Variants in PALLD observed in about 807,000 individuals in gnomAD.
PALLD encodes the protein palladin.
Under a neutral mutation model 123.5 loss-of-function variants are expected in PALLD, and 61 were observed. The ratio of observed to expected loss-of-function variants is 0.49; its 90% CI spans 0.40 to 0.61. The LOEUF (loss-of-function observed/expected upper bound fraction) is 0.61, where lower values mean the gene tolerates loss of function less well. Among genes scored for constraint, PALLD ranks in the 20% least tolerant of loss-of-function variants. The pLI is 0.00. For missense variants in PALLD, 1,273 were observed against 1,377.0 expected (o/e 0.92, Z 1.20); for synonymous variants, 465 against 496.4 (o/e 0.94, Z 0.84).
chr4:168,907,439 C>T (rs543544104), intron 15 of PALLD, among the ~76,000 whole-genome samples: 1 of 152,254 alleles, frequency 6.6e-6, no homozygotes, highest in South Asian at 2.1e-4. Context: ...TTATCACCTC[C>T]ATGGGAAAGG....
At chr4:168,595,334 C>T (rs1002404508) in intron 2 of PALLD, among the ~76,000 whole-genome samples, 20 of 152,234 alleles carry the variant, frequency 1.3e-4, no homozygotes, top group African/African-American at 4.8e-4. Flanking sequence ...AGACACTTTT[C>T]CAAAGCACAG....
chr4:168,786,595 A>G (rs1736794280), intron 10 of PALLD, among the ~76,000 whole-genome samples: 1 of 152,242 alleles, frequency 6.6e-6, no homozygotes, highest in South Asian at 2.1e-4. Context: ...GTTTGAGTGC[A>G]GGAGGTCGAG....
chr4:168,645,983 C>T (rs531672035), intron 2 of PALLD, among the ~76,000 whole-genome samples: 9 of 152,218 alleles, frequency 5.9e-5, no homozygotes, highest in East Asian at 3.9e-4. Flanking sequence ...TATTAAAAAC[C>T]GGGAGACGAC....
chr4:168,598,502 G>A, intron 2 of PALLD: 1 of 495,116 alleles, frequency 2.0e-6, no homozygotes, highest in Non-Finnish European at 4.0e-6. Flanking sequence ...AGAGAGAGGA[G>A]CAGAGAGAGG....
At chr4:168,518,475 C>T (rs1763215836) in intron 2 of PALLD, among the ~76,000 whole-genome samples, 1 of 152,132 alleles carries the variant, frequency 6.6e-6, no homozygotes, top group Admixed American at 6.5e-5. Flanking sequence ...CTGATTTCAC[C>T]TCTTGCCACT....
intron 10 of PALLD, among the ~76,000 whole-genome samples, chr4:168,761,450 C>A (rs1445981043): frequency 6.6e-6 from 1 of 151,844 alleles, no homozygotes; most frequent in African/African-American, 2.4e-5. Flanking sequence ...TGTAAGGTAG[C>A]TAGAAAGTGG....
intron 14 of PALLD, among the ~76,000 whole-genome samples, chr4:168,902,488 T>C (rs1756734131): frequency 6.6e-6 from 1 of 152,014 alleles, no homozygotes; most frequent in Admixed American, 6.6e-5. Flanking sequence ...AAAATAATAA[T>C]GAACTTAGCC....
chr4:168,731,534 G>C (rs1351880360), intron 10 of PALLD, among the ~76,000 whole-genome samples: 1 of 152,224 alleles, frequency 6.6e-6, no homozygotes, highest in African/African-American at 2.4e-5. Flanking sequence ...CCAAAGGGCA[G>C]ATAGTCCAAT....
intron 8 of PALLD, among the ~76,000 whole-genome samples, chr4:168,703,158 G>A (rs1045923235): frequency 2.8e-5 from 4 of 145,386 alleles, no homozygotes; most frequent in Admixed American, 6.9e-5. Context: ...AATATGCGGT[G>A]TTTGGTTTTT....
intron 3 of PALLD, among the ~76,000 whole-genome samples, chr4:168,673,312 A>G (rs1051089047): frequency 3.3e-5 from 5 of 152,216 alleles, no homozygotes; most frequent in African/African-American, 1.2e-4. Context: ...GCCTGCTCCA[A>G]AGAGATGACA....
rs538293009 is a variant in PALLD, at chr4:168,617,081, G to A, written c.909-51109G>A. Among the ~76,000 whole-genome samples, 4 of 152,140 alleles carry A rather than the reference G, an allele frequency of 2.6e-5. No individual in the cohort carries two copies. The South Asian group carries it at 8.3e-4, about 32-fold the overall frequency. On this transcript the variant is annotated intron_variant, in intron 2 of 21. Transcript: ENST00000505667. ...TGCTGGCTGGAATCGGGGCATCATGGCTGGCACTCAAGCATCCATTTTAGA... is the reference window on the plus strand; with the variant it reads ...TGCTGGCTGGAATCGGGGCATCATGACTGGCACTCAAGCATCCATTTTAGA...
At chr4:168,534,619 G>A (rs535751653) in intron 2 of PALLD, among the ~76,000 whole-genome samples, 4 of 152,214 alleles carry the variant, frequency 2.6e-5, no homozygotes, top group East Asian at 3.9e-4. Context: ...TTGGCTTTTT[G>A]TATCTTCCAC....
chr4:168,531,398 G>A (rs181632228), intron 2 of PALLD, among the ~76,000 whole-genome samples: 1 of 152,244 alleles, frequency 6.6e-6, no homozygotes, highest in East Asian at 1.9e-4. Flanking sequence ...GGATATCCCA[G>A]GTAAAGATGG....
intron 10 of PALLD, among the ~76,000 whole-genome samples, chr4:168,783,044 ATATGTGTGTG>A (rs67856144): frequency 1.6e-4 from 13 of 82,182 alleles, no homozygotes; most frequent in East Asian, 2.4e-4. Flanking sequence ...TTTTATATAT[ATATGTGTGTG>A]TGTGTGTGTG....
intron 10 of PALLD, among the ~76,000 whole-genome samples, chr4:168,823,040 T>TA (rs935305029): frequency 2.3e-4 from 35 of 151,884 alleles, no homozygotes; most frequent in Admixed American, 4.6e-4. Context: ...GTTTCTCCAT[T>TA]AAAAAAAATA....
At chr4:168,651,747 ACTC>A (rs1012815104) in intron 2 of PALLD, among the ~76,000 whole-genome samples, 16 of 151,762 alleles carry the variant, frequency 1.1e-4, no homozygotes, top group Non-Finnish European at 1.9e-4. Flanking sequence ...AAGAATTTCT[ACTC>A]CTCCTCCTCA....
chr4:168,751,601 T>G (rs1731071240), intron 10 of PALLD, among the ~76,000 whole-genome samples: 1 of 152,192 alleles, frequency 6.6e-6, no homozygotes, highest in African/African-American at 2.4e-5. Context: ...ATCAAGCTAT[T>G]CTTAATATCA....
chr4:168,518,860 C>CT (rs1395623381), intron 2 of PALLD, among the ~76,000 whole-genome samples: 16 of 152,150 alleles, frequency 1.1e-4, no homozygotes, highest in Admixed American at 5.2e-4. Context: ...TCCTCAGAGC[C>CT]TAGAACAGTG....
intron 8 of PALLD, among the ~76,000 whole-genome samples, chr4:168,703,203 C>A (rs1783869937): frequency 2.1e-5 from 3 of 145,940 alleles, no homozygotes; most frequent in African/African-American, 5.2e-5. Context: ...ATGATGATTT[C>A]CAATTTCATC....
Sources: allele counts gnomAD v4.1 joint callset (sites outside exome capture counted in the v4.1 genomes callset), GRCh38; gene constraint gnomAD v4.1.1; transcripts MANE v1.5; gene names NCBI Gene and HGNC (gene_info 2026-07-23, HGNC 2026-07-21).